ARF3: variants seen among roughly 807,000 people sequenced by gnomAD.
ARF3 encodes the protein ARF GTPase 3.
In ARF3, 5 loss-of-function variants were observed where a neutral mutation model predicts 19.3. That is an observed-to-expected ratio of 0.26 (90% CI 0.14 to 0.54). ARF3 has a LOEUF of 0.54. ARF3 is among the 20% of genes least tolerant of loss of function. The pLI, the probability that ARF3 is intolerant of heterozygous loss-of-function variation, is 0.95. For synonymous variants in ARF3, 71 were observed against 89.2 expected, an observed-to-expected ratio of 0.80 and a Z score of 1.15; for missense variants, 77 against 234.2, an observed-to-expected ratio of 0.33 and a Z score of 4.38.
Position 48,938,352 on chromosome 12 carries a change from A to G in ARF3, c.*595T>C, listed in dbSNP as rs1565705779. On this transcript the variant is annotated 3_prime_UTR_variant, in exon 5 of 5. Transcript: ENST00000256682. ...CCACCTTCTTCCCTTAATCTCACCA[A>G]CACGGAAGGGGCAGATGACAGGCTC... is the stretch of plus-strand genomic sequence containing the variant. 2 of 454,076 alleles carry G rather than the reference A, an allele frequency of 4.4e-6. No homozygotes were observed. Among genetic ancestry groups the G allele is most frequent in the Admixed American group, 2.4e-5 (1 of 42,548 alleles). The allele number at this position is 454,076 out of a possible 1,614,324, so 28.1% of individuals were successfully genotyped here. A position where few individuals can be genotyped will look rare whatever the true frequency, so the allele number is the denominator to read the frequency against.
At chr12:48,946,445 T>C (rs1383978063) in intron 1 of ARF3, among the ~76,000 whole-genome samples, 1 of 152,250 alleles carries the variant, frequency 6.6e-6, no homozygotes, top group Non-Finnish European at 1.5e-5. Flanking sequence ...CAGGGTTCCA[T>C]TGGCTGTTGG....
intron 1 of ARF3, among the ~76,000 whole-genome samples, chr12:48,954,697 A>G (rs1002724739): frequency 6.6e-6 from 1 of 152,180 alleles, no homozygotes; most frequent in Admixed American, 6.5e-5. Flanking sequence ...TTACTATACC[A>G]TTCTGCCTCT....
intron 1 of ARF3, among the ~76,000 whole-genome samples, chr12:48,952,548 A>G (rs970325412): frequency 3.9e-5 from 6 of 152,170 alleles, no homozygotes; most frequent in African/African-American, 1.4e-4. Flanking sequence ...CCAGAACACT[A>G]TAAATTCCTA....
rs762536577 is a variant in ARF3 at position 48,939,794 on chromosome 12, C to T, written c.260-15G>A. On this transcript the variant is annotated splice_polypyrimidine_tract_variant and intron_variant, in intron 3 of 4. Transcript: ENST00000256682. The surrounding 1 kb of genome is among the most constrained non-coding windows in gnomAD (Gnocchi z 4.8). ...AAATATCAACCCTAGGAAGGCAGAGCATGGGCTGCACTAAGATGACAGGTA... is the reference window on the plus strand; with the variant it reads ...AAATATCAACCCTAGGAAGGCAGAGTATGGGCTGCACTAAGATGACAGGTA... 6 of 1,613,902 alleles carry T rather than the reference C, an allele frequency of 3.7e-6. No homozygotes were observed. The highest frequency in any genetic ancestry group is 5.1e-6 in the Non-Finnish European group (6 of 1,179,930).
intron 1 of ARF3, among the ~76,000 whole-genome samples, chr12:48,955,024 AT>A (rs903172644): frequency 3.3e-5 from 5 of 152,224 alleles, no homozygotes; most frequent in African/African-American, 9.6e-5. Context: ...AGGGAAGCAG[AT>A]TCTACAATTT....
In ARF3 at chr12:48,938,430, G is replaced by A. The variant is rs1238131409; in HGVS notation, c.*517C>T. On this transcript the variant is annotated 3_prime_UTR_variant, in exon 5 of 5. Transcript: ENST00000256682. ...CTGAGCTTCACTCCACCCCCTCCCC[G>A]CTCCCCCCGGCCCCCACAAATATAT... The A allele has an allele frequency of 1.0e-5, 4 of 388,508 alleles. No individual in the cohort carries two copies. Among genetic ancestry groups the A allele is most frequent in the East Asian group, 8.0e-5 (1 of 12,464 alleles). 24.1% of individuals were successfully genotyped at this position (388,508 alleles called of 1,614,324 possible).
rs1332257511 is a variant in ARF3, at chr12:48,938,577, T to C, written c.*370A>G. 8.7e-6 allele frequency: 4 copies of C among 460,636 alleles called. No individual in the cohort carries two copies. The highest frequency in any genetic ancestry group is 2.0e-5 in the African/African-American group (1 of 50,270). 28.5% of individuals were successfully genotyped at this position (460,636 alleles called of 1,614,324 possible). ...GGCAAACAGGGAGTAGAAGGGCTTG[T>C]GGGGACAGGGAAAGGACTCAGATGC... On this transcript the variant is annotated 3_prime_UTR_variant, in exon 5 of 5. Coordinates refer to ENST00000256682, the MANE Select transcript of ARF3 (RefSeq NM_001659.3).
At chr12:48,943,892 C>T (rs1940310052) in intron 1 of ARF3, among the ~76,000 whole-genome samples, 1 of 152,144 alleles carries the variant, frequency 6.6e-6, no homozygotes, top group African/African-American at 2.4e-5. Context: ...AGTCAAGCCA[C>T]CCGCTAGCCT....
At chr12:48,946,485 G>A (rs1940361041) in intron 1 of ARF3, among the ~76,000 whole-genome samples, 1 of 152,248 alleles carries the variant, frequency 6.6e-6, no homozygotes. Context: ...AAGACTGAAA[G>A]TGAGTGGCTC....
chr12:48,943,997 T>C (rs927878897), intron 1 of ARF3, among the ~76,000 whole-genome samples: 1 of 152,236 alleles, frequency 6.6e-6, no homozygotes, highest in Admixed American at 6.5e-5. Flanking sequence ...CTCACCAACC[T>C]TGGCAATTTG....
Position 48,941,190 on chromosome 12 carries a change from T to C in ARF3, c.-93-2A>G, listed in dbSNP as rs1364128898. ...GTCCCTGGTATGGAAGACTTGATCC[T>C]AGACAAAGGAAATGTAAAATCATAC... On this transcript the variant is annotated splice_acceptor_variant, in intron 1 of 4. Transcript: ENST00000256682. LOFTEE classifies it low-confidence loss of function (5UTR_SPLICE). The C allele has an allele frequency of 2.2e-6, 3 of 1,346,740 alleles. No homozygotes were observed. The highest frequency in any genetic ancestry group is 3.0e-6 in the Non-Finnish European group (3 of 992,420). 83.4% of individuals were successfully genotyped at this position (1,346,740 alleles called of 1,614,324 possible).
In ARF3 at chr12:48,940,004, G is replaced by T; in HGVS notation, c.252C>A (p.Asn84Lys). 1 of 1,613,780 alleles carries T rather than the reference G, an allele frequency of 6.2e-7. No homozygotes were observed. Among genetic ancestry groups the T allele is most frequent in the South Asian group, 1.1e-5 (1 of 91,078 alleles). Residue 84 changes from asparagine to lysine, a missense_variant, in exon 3 of 5, where the codon AAC becomes AAA. By Grantham distance (94) the Asn-to-Lys change is moderately conservative. Transcript: ENST00000256682. ...IRPLWRHYFQ[N>K]TQGLIFVVDS... ...CGCTAGGCCTGAGCATACCTTGGGTGTTCTGGAAGTAGTGTCTCCAGAGGG... is the reference window on the plus strand; with the variant it reads ...CGCTAGGCCTGAGCATACCTTGGGTTTTCTGGAAGTAGTGTCTCCAGAGGG...
rs1228882055 is a variant in ARF3 at position 48,938,815 on chromosome 12, C to G, written c.*132G>C. ...GAGGGGAGGCAGGGGAGGCAAGGCTCTTGCTGGGCATGTGGACATGATACC... is the reference window on the plus strand; with the variant it reads ...GAGGGGAGGCAGGGGAGGCAAGGCTGTTGCTGGGCATGTGGACATGATACC... On this transcript the variant is annotated 3_prime_UTR_variant, in exon 5 of 5. Coordinates refer to ENST00000256682, the MANE Select transcript of ARF3 (RefSeq NM_001659.3). 1.6e-6 allele frequency: 2 copies of G among 1,214,944 alleles called. No individual in the cohort carries two copies. Among genetic ancestry groups the G allele is most frequent in the Non-Finnish European group, 2.3e-6 (2 of 876,128 alleles). The allele number at this position is 1,214,944 out of a possible 1,614,324, so 75.3% of individuals were successfully genotyped here.
intron 1 of ARF3, among the ~76,000 whole-genome samples, chr12:48,952,280 T>C (rs2137595154): frequency 6.6e-6 from 1 of 152,286 alleles, no homozygotes; most frequent in Non-Finnish European, 1.5e-5. Context: ...CTGGGAAGGG[T>C]CTGGCTTTTA....
chr12:48,941,158 T>C lies in ARF3; in HGVS notation c.-63A>G. ...AGTAGGGGCAGTGGCAGTCTGGTTT[T>C]GGCCTGGTCCCTGGTATGGAAGACT... On this transcript the variant is annotated 5_prime_UTR_variant, in exon 2 of 5. Coordinates refer to ENST00000256682, the MANE Select transcript of ARF3 (RefSeq NM_001659.3). The C allele has an allele frequency of 6.5e-7, 1 of 1,535,182 alleles. No homozygotes were observed. Among genetic ancestry groups the C allele is most frequent in the Non-Finnish European group, 8.8e-7 (1 of 1,133,990 alleles).
chr12:48,954,361 GTTC>G (rs1940523122), intron 1 of ARF3, among the ~76,000 whole-genome samples: 1 of 152,176 alleles, frequency 6.6e-6, no homozygotes, highest in East Asian at 1.9e-4. Context: ...GCAGCAAGTT[GTTC>G]TTCTGTAAAC....
rs1271327363 is a variant in ARF3 at position 48,937,403 on chromosome 12, G to A, written c.*1544C>T. On this transcript the variant is annotated 3_prime_UTR_variant, in exon 5 of 5. Coordinates refer to ENST00000256682, the MANE Select transcript of ARF3 (RefSeq NM_001659.3). ...CCACGTCTTCACAGAAACTACAGAAGTCAGGACCCAGGCGAGGACCTCAGG... is the reference window on the plus strand; with the variant it reads ...CCACGTCTTCACAGAAACTACAGAAATCAGGACCCAGGCGAGGACCTCAGG... 2 of 152,690 alleles carry A rather than the reference G, an allele frequency of 1.3e-5. No individual in the cohort carries two copies. Among genetic ancestry groups the A allele is most frequent in the Non-Finnish European group, 2.9e-5 (2 of 68,198 alleles). 9.5% of individuals were successfully genotyped at this position (152,690 alleles called of 1,614,324 possible). A position where few individuals can be genotyped will look rare whatever the true frequency, so the allele number is the denominator to read the frequency against.
At chr12:48,951,890 A>T (rs1311588294) in intron 1 of ARF3, among the ~76,000 whole-genome samples, 1 of 151,304 alleles carries the variant, frequency 6.6e-6, no homozygotes, top group Admixed American at 6.6e-5. Flanking sequence ...AAAAAAAAAA[A>T]CTAATTAAAA....
rs1157873646 is a variant in ARF3 at position 48,957,326 on chromosome 12, C to G, written c.-110G>C. The stretch of plus-strand genomic sequence containing the variant: ...GCCTCTCACCTGTTCCTGCTATCAG[C>G]TGCGCCGCTGCGGCCGCCGCCTCTG... On this transcript the variant is annotated 5_prime_UTR_variant, in exon 1 of 5. Coordinates refer to ENST00000256682, the MANE Select transcript of ARF3 (RefSeq NM_001659.3). The G allele has an allele frequency of 1.9e-5, 3 of 156,040 alleles. No individual in the cohort carries two copies. The East Asian group carries it at 5.6e-4, about 29-fold the overall frequency. 9.7% of individuals were successfully genotyped at this position (156,040 alleles called of 1,614,324 possible).
Sources: gnomAD v4.1 joint callset for allele counts (sites outside exome capture counted in the v4.1 genomes callset) on GRCh38, gnomAD v4.1.1 for gene constraint, Gnocchi (gnomAD v3.1) non-coding constraint, MANE v1.5 for transcripts, NCBI Gene and HGNC (gene_info 2026-07-23, HGNC 2026-07-21) for gene names.